Variants in R3HCC1L observed in about 807,000 individuals in gnomAD.
R3HCC1L encodes the protein coiled-coil domain-containing protein R3HCC1L.
R3HCC1L carries 51 observed loss-of-function variants against 59.9 expected under a neutral mutation model. The ratio of observed to expected loss-of-function variants is 0.85; its 90% CI spans 0.68 to 1.07. The LOEUF is 1.07. Ranked by LOEUF, R3HCC1L falls within the 50% of genes least tolerant of loss-of-function variation. The pLI, the probability that R3HCC1L is intolerant of heterozygous loss-of-function variation, is 0.00. For missense variants in R3HCC1L, 965 were observed against 933.0 expected (o/e 1.03, Z -0.45); for synonymous variants, 322 against 315.2 (o/e 1.02, Z -0.23).
intron 4 of R3HCC1L, among the ~76,000 whole-genome samples, chr10:98,178,652 G>T (rs1416076821): frequency 6.6e-6 from 1 of 152,096 alleles, no homozygotes; most frequent in Non-Finnish European, 1.5e-5. Flanking sequence ...AAATTACCTT[G>T]GGCAGTATGG....
chr10:98,208,128 C>G lies in R3HCC1L; in HGVS notation c.14C>G (p.Ser5Ter). 1.2e-6 allele frequency: 2 copies of G among 1,610,254 alleles called. No homozygotes were observed. Among genetic ancestry groups the G allele is most frequent in the Middle Eastern group, 1.7e-4 (1 of 6,030 alleles). ...TGTGGTGGTGCCATGCAGCAAGAAT[C>G]AGAGAGATGCAGAGTTAGAGCCAGA... MQQE[S>*]ERCRVRARRP... is the part of the protein sequence containing the mutation. The change falls in exon 5 of 10, where the codon TCA becomes TGA. Residue 5 changes from serine to a stop codon, truncating the protein, a stop_gained. Transcript: ENST00000298999. LOFTEE classifies it high-confidence loss of function.
chr10:98,179,426 G>T (rs1237045971), intron 4 of R3HCC1L, among the ~76,000 whole-genome samples: 1 of 152,138 alleles, frequency 6.6e-6, no homozygotes, highest in African/African-American at 2.4e-5. Flanking sequence ...CATGGTCTTG[G>T]TGGATAAGCT....
In R3HCC1L at chr10:98,244,080, C is replaced by G. The variant is rs1388958935; in HGVS notation, c.2270-11C>G. Reference sequence around the variant, plus strand: ...GTAGACAACTGTGGTTAATACTGCTCTTATTTACAGAGAGAAAGCGGTTGG... The same window carrying G: ...GTAGACAACTGTGGTTAATACTGCTGTTATTTACAGAGAGAAAGCGGTTGG... On this transcript the variant is annotated splice_polypyrimidine_tract_variant and intron_variant, in intron 9 of 9. Coordinates refer to ENST00000298999, the MANE Select transcript of R3HCC1L (RefSeq NM_001351015.2). 6.2e-7 allele frequency: 1 copy of G among 1,613,356 alleles called. No individual in the cohort carries two copies. The highest frequency in any genetic ancestry group is 1.1e-5 in the South Asian group (1 of 91,052).
chr10:98,179,622 A>G (rs1212060027), intron 4 of R3HCC1L, among the ~76,000 whole-genome samples: 10 of 152,186 alleles, frequency 6.6e-5, no homozygotes, highest in South Asian at 2.1e-4. Context: ...TGATTGGAAT[A>G]GTGTCGGAAG....
chr10:98,198,089 G>T (rs1392690720), intron 4 of R3HCC1L, among the ~76,000 whole-genome samples: 1 of 151,892 alleles, frequency 6.6e-6, no homozygotes, highest in African/African-American at 2.4e-5. Flanking sequence ...CTTGGTAAAT[G>T]ATTGAAATAT....
intron 4 of R3HCC1L, among the ~76,000 whole-genome samples, chr10:98,207,682 T>C (rs1216710740): frequency 6.6e-6 from 1 of 151,900 alleles, no homozygotes; most frequent in African/African-American, 2.4e-5. Context: ...TGTATATTTA[T>C]GTTGAACAAC....
intron 4 of R3HCC1L, among the ~76,000 whole-genome samples, chr10:98,195,708 C>T (rs1411632431): frequency 6.6e-6 from 1 of 152,068 alleles, no homozygotes; most frequent in Non-Finnish European, 1.5e-5. Flanking sequence ...TAAACCCCGT[C>T]TTTTTTTACT....
intron 4 of R3HCC1L, chr10:98,174,568 T>C (rs1407450405): frequency 1.0e-6 from 1 of 963,510 alleles, no homozygotes; most frequent in Non-Finnish European, 1.2e-6. Context: ...GAGAGTGATA[T>C]AACAACAATG....
intron 5 of R3HCC1L, among the ~76,000 whole-genome samples, chr10:98,218,760 T>C (rs191709929): frequency 1.3e-5 from 2 of 152,332 alleles, no homozygotes; most frequent in East Asian, 1.9e-4. Context: ...TGTCCAATGC[T>C]GAGAGTGGGA....
At chr10:98,163,485 A>G in intron 4 of R3HCC1L, 88 bp downstream of exon 4, 3 of 881,266 alleles carry the variant, frequency 3.4e-6, no homozygotes, top group South Asian at 3.0e-5. Context: ...TTCTTCAGTT[A>G]TCATTTTATT....
intron 9 of R3HCC1L, among the ~76,000 whole-genome samples, chr10:98,240,700 TA>T (rs1271256914): frequency 1.3e-5 from 2 of 152,154 alleles, no homozygotes; most frequent in Non-Finnish European, 2.9e-5. Context: ...TATTCTGCCT[TA>T]AAGGGCAGTG....
intron 5 of R3HCC1L, among the ~76,000 whole-genome samples, chr10:98,222,120 T>C (rs149591329): frequency 0.026 from 4,000 of 152,278 alleles, 58 homozygotes; most frequent in Middle Eastern, 0.041. Flanking sequence ...GATTCCTAGG[T>C]ATTTTATTCT....
At chr10:98,193,113 A>G (rs1394420403) in intron 4 of R3HCC1L, among the ~76,000 whole-genome samples, 1 of 152,180 alleles carries the variant, frequency 6.6e-6, no homozygotes, top group Non-Finnish European at 1.5e-5. Flanking sequence ...ACCTAGGAAT[A>G]GAAGGAAATT....
intron 4 of R3HCC1L, among the ~76,000 whole-genome samples, chr10:98,182,322 G>A (rs554374818): frequency 2.6e-5 from 4 of 152,206 alleles, no homozygotes; most frequent in African/African-American, 9.7e-5. Flanking sequence ...TCTGGACCCT[G>A]TTTGCCTGGG....
chr10:98,144,216 A>T (rs1845440610), intron 1 of R3HCC1L, among the ~76,000 whole-genome samples: 1 of 151,944 alleles, frequency 6.6e-6, no homozygotes, highest in African/African-American at 2.4e-5. Flanking sequence ...TTATTTATGC[A>T]TTCATTCATT....
intron 6 of R3HCC1L, among the ~76,000 whole-genome samples, 184 bp from the exon 7 acceptor site, chr10:98,234,262 T>C (rs1297883672): frequency 6.6e-6 from 1 of 152,244 alleles, no homozygotes; most frequent in Non-Finnish European, 1.5e-5. Context: ...GATGGTATTA[T>C]TGCTTTTAAA....
intron 4 of R3HCC1L, among the ~76,000 whole-genome samples, chr10:98,180,860 T>C (rs1849553133): frequency 6.6e-6 from 1 of 152,214 alleles, no homozygotes; most frequent in South Asian, 2.1e-4. Flanking sequence ...TTTATGAGAC[T>C]AGGATTGCAA....
chr10:98,161,242 C>T (rs1282019992), intron 2 of R3HCC1L, among the ~76,000 whole-genome samples: 1 of 152,056 alleles, frequency 6.6e-6, no homozygotes, highest in East Asian at 1.9e-4. Context: ...AATAGTATCT[C>T]AATATAGTTT....
rs186312744 is a variant in R3HCC1L at position 98,211,644 on chromosome 10, G to A, written c.1785+1745G>A. On this transcript the variant is annotated intron_variant, in intron 5 of 9. Coordinates refer to ENST00000298999, the MANE Select transcript of R3HCC1L (RefSeq NM_001351015.2). ...GAACAGCTTCCTCCAAAAGAAGAGCGTGGCTCTCATGGCCTTTTACACATG... is the reference window on the plus strand; with the variant it reads ...GAACAGCTTCCTCCAAAAGAAGAGCATGGCTCTCATGGCCTTTTACACATG... Among the ~76,000 whole-genome samples, 5 of 152,266 alleles carry A rather than the reference G, an allele frequency of 3.3e-5. No homozygotes were observed. In the East Asian group the frequency reaches 7.7e-4, roughly 23 times the overall value.
Sources: allele counts gnomAD v4.1 joint callset (sites outside exome capture counted in the v4.1 genomes callset), GRCh38; gene constraint gnomAD v4.1.1; transcripts MANE v1.5; gene names NCBI Gene and HGNC (gene_info 2026-07-23, HGNC 2026-07-21).